ATP6V0D2: variants seen among roughly 807,000 people sequenced by gnomAD.
ATP6V0D2 encodes the protein V-type proton ATPase subunit d 2.
In ATP6V0D2, 40 loss-of-function variants were observed where a neutral mutation model predicts 40.0. The observed-to-expected ratio is 1.00, with a 90% CI of 0.78 to 1.30. ATP6V0D2 has a LOEUF of 1.30. Among genes scored for constraint, ATP6V0D2 ranks in the 50% most tolerant of loss-of-function variants. ATP6V0D2 has a pLI of 0.00. For synonymous variants in ATP6V0D2, 179 were observed against 156.3 expected, an observed-to-expected ratio of 1.15 and a Z score of -1.08; for missense variants, 470 against 423.1, an observed-to-expected ratio of 1.11 and a Z score of -0.97.
At chr8:86,129,850 G>A (rs1465858381) in intron 2 of ATP6V0D2, among the ~76,000 whole-genome samples, 5 of 151,208 alleles carry the variant, frequency 3.3e-5, no homozygotes, top group Non-Finnish European at 7.4e-5. Flanking sequence ...GATGGTGCAT[G>A]CCTGTAGCCG....
chr8:86,106,396 A>T (rs572575806), intron 1 of ATP6V0D2, among the ~76,000 whole-genome samples: 1 of 152,176 alleles, frequency 6.6e-6, no homozygotes, highest in South Asian at 2.1e-4. Context: ...GCCTCCCAAA[A>T]TGCTGGGATT....
At chr8:86,101,709 C>A (rs1321210149) in intron 1 of ATP6V0D2, among the ~76,000 whole-genome samples, 2 of 152,026 alleles carry the variant, frequency 1.3e-5, no homozygotes, top group Non-Finnish European at 2.9e-5. Flanking sequence ...CTCTCAAAGA[C>A]CTCAAGAATA....
In ATP6V0D2 at chr8:86,145,000, CA is replaced by C. The variant is rs777644427; in HGVS notation, c.639+2059del. On this transcript the variant is annotated intron_variant, in intron 5 of 7. Coordinates refer to ENST00000285393, the MANE Select transcript of ATP6V0D2 (RefSeq NM_152565.1). ...TGAAACCCTGTCTCTACTAACAATA[CA>C]AAAAAAAAAAAATTAGCTGAATGTG... 1.0e-3 allele frequency among the ~76,000 whole-genome samples: 144 copies of C among 137,638 alleles called. 1 individual carries two copies. The highest frequency in any genetic ancestry group is 3.1e-3 in the African/African-American group (111 of 36,200). 90.3% of individuals were successfully genotyped at this position (137,638 alleles called of 152,430 possible). A position where few individuals can be genotyped will look rare whatever the true frequency, so the allele number is the denominator to read the frequency against.
intron 1 of ATP6V0D2, among the ~76,000 whole-genome samples, chr8:86,105,377 A>G (rs1224950998): frequency 6.6e-6 from 1 of 151,886 alleles, no homozygotes; most frequent in Non-Finnish European, 1.5e-5. Context: ...AGTTACTGCA[A>G]CCTCTACCTC....
intron 1 of ATP6V0D2, among the ~76,000 whole-genome samples, chr8:86,105,168 G>T (rs1303977488): frequency 6.6e-6 from 1 of 152,190 alleles, no homozygotes; most frequent in African/African-American, 2.4e-5. Flanking sequence ...TATAACATCT[G>T]TGACATTTGC....
intron 1 of ATP6V0D2, among the ~76,000 whole-genome samples, chr8:86,103,864 C>T (rs759330124): frequency 6.6e-6 from 1 of 152,060 alleles, no homozygotes; most frequent in Non-Finnish European, 1.5e-5. Context: ...CTCACTCTGT[C>T]ACCCTGGCTG....
chr8:86,135,099 T>A (rs1027935748), intron 2 of ATP6V0D2, among the ~76,000 whole-genome samples: 2 of 152,162 alleles, frequency 1.3e-5, no homozygotes, highest in Non-Finnish European at 2.9e-5. Context: ...CTGAACTGTG[T>A]TTTTCTTAGA....
chr8:86,139,553 C>A lies in ATP6V0D2; in HGVS notation c.399C>A (p.Gly133=). The A allele has an allele frequency of 6.2e-7, 1 of 1,613,770 alleles. No homozygotes were observed. Among genetic ancestry groups the A allele is most frequent in the South Asian group, 1.1e-5 (1 of 91,038 alleles). The change falls in exon 3 of 8, where the codon GGC becomes GGA. Residue 133 remains glycine, a synonymous_variant. Coordinates refer to ENST00000285393, the MANE Select transcript of ATP6V0D2 (RefSeq NM_152565.1). ...TTCTGGGGAAGTGCCACCCCTTGGG[C>A]CGTTTCACAGAAATGGAAGCTGTCA... The part of the protein sequence containing the change: ...KEILGKCHPL[G]RFTEMEAVNI...
rs1199136168 is a variant in ATP6V0D2 at position 86,153,011 on chromosome 8, A to C, written c.*34A>C. The C allele has an allele frequency of 1.3e-6, 2 of 1,520,798 alleles. No homozygotes were observed. Among genetic ancestry groups the C allele is most frequent in the Non-Finnish European group, 1.8e-6 (2 of 1,133,908 alleles). 94.2% of individuals were successfully genotyped at this position (1,520,798 alleles called of 1,614,324 possible). ...AGGTTCTCAAATGTAGAAAATTATAAATGTTAAAAGGAAGTTATTGAAGAA... is the reference window on the plus strand; with the variant it reads ...AGGTTCTCAAATGTAGAAAATTATACATGTTAAAAGGAAGTTATTGAAGAA... On this transcript the variant is annotated 3_prime_UTR_variant, in exon 8 of 8. Transcript: ENST00000285393.
chr8:86,147,147 C>T (rs2129641647), intron 5 of ATP6V0D2, among the ~76,000 whole-genome samples: 1 of 152,134 alleles, frequency 6.6e-6, no homozygotes, highest in East Asian at 1.9e-4. Context: ...CTCTACTGGT[C>T]AGTGCATGTG....
intron 2 of ATP6V0D2, among the ~76,000 whole-genome samples, chr8:86,119,628 T>G (rs1818642758): frequency 6.6e-6 from 1 of 152,204 alleles, no homozygotes; most frequent in Non-Finnish European, 1.5e-5. Flanking sequence ...ATATACTGTT[T>G]CTAAAACAAA....
At chr8:86,118,930 C>T (rs375446500) in intron 2 of ATP6V0D2, among the ~76,000 whole-genome samples, 1 of 152,076 alleles carries the variant, frequency 6.6e-6, no homozygotes, top group African/African-American at 2.4e-5. Flanking sequence ...ACAGATCTAA[C>T]GAGCGGTGGA....
chr8:86,133,493 T>C (rs1329469228), intron 2 of ATP6V0D2, among the ~76,000 whole-genome samples: 1 of 151,602 alleles, frequency 6.6e-6, no homozygotes, highest in Non-Finnish European at 1.5e-5. Flanking sequence ...CTGCTAATTT[T>C]TGTATTTTTA....
intron 2 of ATP6V0D2, among the ~76,000 whole-genome samples, chr8:86,124,345 A>T (rs2078044098): frequency 6.6e-6 from 1 of 152,226 alleles, no homozygotes; most frequent in Non-Finnish European, 1.5e-5. Context: ...GTAAGTGACT[A>T]CTATGAGTAA....
intron 7 of ATP6V0D2, among the ~76,000 whole-genome samples, 181 bp downstream of exon 7, chr8:86,151,721 C>T (rs1014775717): frequency 6.0e-5 from 9 of 149,206 alleles, no homozygotes; most frequent in South Asian, 2.1e-4. Context: ...AATCTTTGTG[C>T]TAGCAGTGCT....
chr8:86,148,835 G>C (rs1346716103), intron 5 of ATP6V0D2, among the ~76,000 whole-genome samples: 6 of 151,740 alleles, frequency 4.0e-5, no homozygotes, highest in Admixed American at 3.9e-4. Context: ...CCCTTAGAAG[G>C]CCCAGGACAG....
intron 1 of ATP6V0D2, among the ~76,000 whole-genome samples, chr8:86,108,859 C>G (rs560222214): frequency 6.6e-6 from 1 of 152,152 alleles, no homozygotes; most frequent in Non-Finnish European, 1.5e-5. Context: ...CCACAGAAAA[C>G]GCATGTTTAT....
chr8:86,149,996 G>C (rs1298612822), intron 5 of ATP6V0D2, 116 bp from the exon 6 acceptor site: 3 of 956,648 alleles, frequency 3.1e-6, no homozygotes, highest in Non-Finnish European at 4.7e-6. Flanking sequence ...AGTATAATTA[G>C]ACATAGATCC....
rs943298653 is a variant in ATP6V0D2 at position 86,153,051 on chromosome 8, T to C, written c.*74T>C. ...TTATTGAAGAAAATAAAAGAAATTA[T>C]GTTATATTATCTAGACTACACAAAA... On this transcript the variant is annotated 3_prime_UTR_variant, in exon 8 of 8. Transcript: ENST00000285393. 50 of 1,318,732 alleles carry C rather than the reference T, an allele frequency of 3.8e-5. No individual in the cohort carries two copies. The highest frequency in any genetic ancestry group is 5.6e-5 in the Admixed American group (2 of 35,670). The allele number at this position is 1,318,732 out of a possible 1,614,324, so 81.7% of individuals were successfully genotyped here. A position where few individuals can be genotyped will look rare whatever the true frequency, so the allele number is the denominator to read the frequency against.
Sources: gnomAD v4.1 joint callset for allele counts (sites outside exome capture counted in the v4.1 genomes callset) on GRCh38, gnomAD v4.1.1 for gene constraint, MANE v1.5 for transcripts, NCBI Gene and HGNC (gene_info 2026-07-23, HGNC 2026-07-21) for gene names.